RGS6: variants seen among roughly 807,000 people sequenced by gnomAD.
RGS6 encodes regulator of G protein signaling 6, also known as regulator of G-protein signaling 6.
A neutral mutation model predicts 78.5 loss-of-function variants in RGS6; 30 were observed. The observed-to-expected ratio is 0.38, with a 90% CI of 0.29 to 0.52. The LOEUF (loss-of-function observed/expected upper bound fraction) is 0.52. Ranked by LOEUF, RGS6 falls within the 20% of genes least tolerant of loss-of-function variation. RGS6 has a pLI of 0.85. For missense variants in RGS6, 495 were observed against 609.7 expected (o/e 0.81, Z 1.98); for synonymous variants, 206 against 206.0 (o/e 1.00, Z 0.00).
At position 72,193,247 on chromosome 14, in the gene RGS6, G is replaced by A. The variant is rs2097351251; in HGVS notation, c.85-158848G>A. The stretch of plus-strand genomic sequence containing the variant: ...GACCTCAGGTGATCCACCTGCCTTG[G>A]CCTCCCAAAGTTCTGGGATTTCAGG... On this transcript the variant is annotated intron_variant, in intron 2 of 17. Transcript: ENST00000553525. 2.0e-5 allele frequency among the ~76,000 whole-genome samples: 3 copies of A among 152,162 alleles called. No homozygotes were observed. The South Asian group carries it at 6.2e-4, about 32-fold the overall frequency.
At chr14:71,993,661 C>A (rs1161756665) in intron 2 of RGS6, among the ~76,000 whole-genome samples, 1 of 152,118 alleles carries the variant, frequency 6.6e-6, no homozygotes, top group Admixed American at 6.6e-5. Flanking sequence ...GTGAGTCTTA[C>A]AGGTTTATTA....
intron 3 of RGS6, among the ~76,000 whole-genome samples, chr14:72,412,906 A>G (rs981933734): frequency 2.0e-5 from 3 of 151,660 alleles, no homozygotes; most frequent in East Asian, 3.9e-4. Context: ...CCTGAGTTCT[A>G]GTTTGATTGC....
At chr14:72,320,594 T>A (rs2071650226) in intron 2 of RGS6, among the ~76,000 whole-genome samples, 1 of 151,052 alleles carries the variant, frequency 6.6e-6, no homozygotes, top group African/African-American at 2.4e-5. Context: ...ATAAATAAAA[T>A]TAAAAAATAA....
At chr14:72,550,478 GA>G in intron 17 of RGS6, 7 of 1,535,664 alleles carry the variant, frequency 4.6e-6, no homozygotes, top group Middle Eastern at 3.3e-4. Flanking sequence ...GTCAAGCAAG[GA>G]CCGAAAGCCT....
chr14:72,385,134 CA>C (rs1412735189), intron 3 of RGS6, among the ~76,000 whole-genome samples: 3 of 152,124 alleles, frequency 2.0e-5, no homozygotes, highest in Non-Finnish European at 2.9e-5. Context: ...CCTTGCTTGC[CA>C]TGTCGTTTAT....
intron 2 of RGS6, among the ~76,000 whole-genome samples, chr14:72,125,994 A>G (rs998877774): frequency 2.0e-5 from 3 of 152,192 alleles, no homozygotes; most frequent in Admixed American, 6.5e-5. Flanking sequence ...TTTTAGGTAT[A>G]TAGGTTTTAA....
the RGS6 span, among the ~76,000 whole-genome samples, chr14:71,904,352 A>C: frequency 6.6e-6 from 1 of 152,224 alleles, no homozygotes; most frequent in Non-Finnish European, 1.5e-5. Flanking sequence ...CCTGAGACCC[A>C]AGTTACTCCA....
chr14:72,455,771 G>T (rs1313891633), intron 4 of RGS6, among the ~76,000 whole-genome samples: 7 of 152,308 alleles, frequency 4.6e-5, no homozygotes, highest in Admixed American at 1.3e-4. Flanking sequence ...GTACTTCTGA[G>T]TGTCCGCTTG....
chr14:72,075,580 T>C (rs1457780756), intron 2 of RGS6, among the ~76,000 whole-genome samples: 1 of 152,180 alleles, frequency 6.6e-6, no homozygotes, highest in Non-Finnish European at 1.5e-5. Context: ...AGAGAGGCAG[T>C]AAAGGACCAG....
In RGS6 at chr14:72,395,512, A is replaced by AT. The variant is rs72292608; in HGVS notation, c.184+43326dup. Among the ~76,000 whole-genome samples, 1,177 of 151,988 alleles carry AT rather than the reference A, an allele frequency of 7.7e-3. 40 individuals carry two copies. Among genetic ancestry groups the AT allele is most frequent in the East Asian group, 0.051 (264 of 5,188 alleles). On this transcript the variant is annotated intron_variant, in intron 3 of 17. Coordinates refer to ENST00000553525, the MANE Select transcript of RGS6 (RefSeq NM_001204424.2). ...CGAGAGGAATTCTGACCCTCATATA[A>AT]TTTTTTTTACTATCCAACATAATTA...
the RGS6 span, among the ~76,000 whole-genome samples, chr14:71,901,778 T>C: frequency 6.6e-6 from 1 of 152,216 alleles, no homozygotes; most frequent in African/African-American, 2.4e-5. Context: ...TCCTTGCTAA[T>C]AGAAATCTAA....
intron 2 of RGS6, among the ~76,000 whole-genome samples, chr14:71,979,833 A>G (rs28807755): frequency 0.63 from 94,007 of 150,098 alleles, 29,935 homozygotes; most frequent in Non-Finnish European, 0.69. Context: ...TTTCTATCTC[A>G]TTGATCTGTC....
intron 2 of RGS6, among the ~76,000 whole-genome samples, chr14:72,057,283 T>C (rs980048123): frequency 4.8e-5 from 6 of 126,128 alleles, no homozygotes; most frequent in Non-Finnish European, 7.8e-5. Flanking sequence ...CATTGCACTC[T>C]AGCCTGAGTG....
chr14:71,979,816 T>G (rs1309426368), intron 2 of RGS6, among the ~76,000 whole-genome samples: 1 of 151,996 alleles, frequency 6.6e-6, no homozygotes, highest in Non-Finnish European at 1.5e-5. Flanking sequence ...TGGGTATCCT[T>G]GTGGACTTTC....
intron 15 of RGS6, among the ~76,000 whole-genome samples, chr14:72,521,259 A>G (rs1305411621): frequency 1.3e-5 from 2 of 152,216 alleles, no homozygotes; most frequent in African/African-American, 4.8e-5. Context: ...GCTTTATACT[A>G]CACAGAGCAG....
the RGS6 span, among the ~76,000 whole-genome samples, chr14:71,896,890 A>G: frequency 2.0e-5 from 3 of 152,186 alleles, no homozygotes; most frequent in African/African-American, 7.2e-5. Context: ...TTATTGCTTC[A>G]TCTACCTGTA....
At chr14:72,439,667 C>A (rs2095101943) in intron 3 of RGS6, among the ~76,000 whole-genome samples, 1 of 152,228 alleles carries the variant, frequency 6.6e-6, no homozygotes, top group African/African-American at 2.4e-5. Flanking sequence ...TTCTTACCTG[C>A]CTCTGTGCCT....
chr14:72,384,636 C>T (rs1344249512), intron 3 of RGS6, among the ~76,000 whole-genome samples: 1 of 152,166 alleles, frequency 6.6e-6, no homozygotes, highest in African/African-American at 2.4e-5. Context: ...ATCCTCTTTT[C>T]CGATCAGTTC....
chr14:71,904,838 A>ATATTTGGCTTTTCCTGT, the RGS6 span, among the ~76,000 whole-genome samples: 1 of 135,866 alleles, frequency 7.4e-6, no homozygotes, highest in African/African-American at 2.5e-5. Flanking sequence ...GCTTTTCCTG[A>ATATTTGGCTTTTCCTGT]TATTTGGCTT....
Sources: gnomAD v4.1 joint callset for allele counts (sites outside exome capture counted in the v4.1 genomes callset) on GRCh38, gnomAD v4.1.1 for gene constraint, MANE v1.5 for transcripts, NCBI Gene and HGNC (gene_info 2026-07-23, HGNC 2026-07-21) for gene names.